NELL1: variants seen among roughly 807,000 people sequenced by gnomAD.
NELL1 encodes the protein neural EGFL like 1.
In NELL1, 76 loss-of-function variants were observed where a neutral mutation model predicts 107.4. The observed-to-expected ratio is 0.71, with a 90% CI of 0.59 to 0.86. The LOEUF (loss-of-function observed/expected upper bound fraction) is 0.86, where lower values mean the gene tolerates loss of function less well. Ranked by LOEUF, NELL1 falls within the 40% of genes least tolerant of loss-of-function variation. NELL1 has a pLI of 0.00. For missense variants in NELL1, 1,024 were observed against 1,005.5 expected, an observed-to-expected ratio of 1.02 and a Z score of -0.25; for synonymous variants, 353 against 341.2, an observed-to-expected ratio of 1.03 and a Z score of -0.38.
chr11:21,097,198 G>A (rs944279365), intron 12 of NELL1, among the ~76,000 whole-genome samples: 4 of 152,064 alleles, frequency 2.6e-5, no homozygotes, highest in African/African-American at 7.2e-5. Context: ...CGTAGTCACC[G>A]ATGCTCTGCT....
At chr11:21,403,284 GTC>G (rs1852142282) in intron 15 of NELL1, among the ~76,000 whole-genome samples, 1 of 151,664 alleles carries the variant, frequency 6.6e-6, no homozygotes, top group South Asian at 2.1e-4. Context: ...ATGTCATATA[GTC>G]TACCTGTGTC....
At chr11:21,228,369 T>C (rs967560520) in intron 13 of NELL1, among the ~76,000 whole-genome samples, 1 of 152,148 alleles carries the variant, frequency 6.6e-6, no homozygotes, top group Non-Finnish European at 1.5e-5. Flanking sequence ...TATCTGAATA[T>C]ATATAACCCA....
intron 2 of NELL1, among the ~76,000 whole-genome samples, chr11:20,681,657 T>C (rs1318618989): frequency 6.6e-6 from 1 of 152,088 alleles, no homozygotes; most frequent in Non-Finnish European, 1.5e-5. Flanking sequence ...CTATAACAAA[T>C]TTCTACAAAT....
chr11:21,417,868 G>GAAACA (rs1308740902), intron 15 of NELL1, among the ~76,000 whole-genome samples: 2 of 151,904 alleles, frequency 1.3e-5, no homozygotes, highest in Non-Finnish European at 1.5e-5. Flanking sequence ...AACACAAAAT[G>GAAACA]AAACAAAACA....
intron 15 of NELL1, among the ~76,000 whole-genome samples, chr11:21,427,150 T>G (rs1447382877): frequency 6.6e-6 from 1 of 152,196 alleles, no homozygotes; most frequent in Non-Finnish European, 1.5e-5. Context: ...GTTAGGCATC[T>G]CTGCATTTTT....
At chr11:20,814,237 G>A (rs912808898) in intron 3 of NELL1, among the ~76,000 whole-genome samples, 7 of 152,056 alleles carry the variant, frequency 4.6e-5, no homozygotes, top group Non-Finnish European at 8.8e-5. Flanking sequence ...CTCGTGATCC[G>A]CCCGCCTCGG....
intron 13 of NELL1, among the ~76,000 whole-genome samples, chr11:21,137,953 A>G (rs958644782): frequency 6.6e-6 from 1 of 152,194 alleles, no homozygotes; most frequent in African/African-American, 2.4e-5. Flanking sequence ...GCGCTACCCT[A>G]TGTAAATAGA....
chr11:21,493,538 A>C lies in NELL1; in HGVS notation c.1646-40836A>C, dbSNP rs918402177. ...TTATGTGTAGGAGCTAAAAAAAAAA[A>C]AATTGATCTTCTGGAGATAGAGTAT... On this transcript the variant is annotated intron_variant, in intron 15 of 19. Coordinates refer to ENST00000357134, the MANE Select transcript of NELL1 (RefSeq NM_006157.5). Among the ~76,000 whole-genome samples, 10 of 152,142 alleles carry C rather than the reference A, an allele frequency of 6.6e-5. 1 individual carries two copies. In the South Asian group the frequency reaches 2.1e-3, roughly 32 times the overall value.
chr11:21,541,112 T>A (rs1056852368), intron 16 of NELL1, among the ~76,000 whole-genome samples: 3 of 152,130 alleles, frequency 2.0e-5, no homozygotes, highest in Non-Finnish European at 4.4e-5. Context: ...TGAATTAAAT[T>A]GTATTGGTTG....
intron 14 of NELL1, among the ~76,000 whole-genome samples, chr11:21,240,108 C>T (rs983857148): frequency 4.6e-5 from 7 of 152,002 alleles, no homozygotes; most frequent in Non-Finnish European, 8.8e-5. Flanking sequence ...AGCAATCATT[C>T]CTCTACCATT....
chr11:21,516,705 G>T (rs1855570218), intron 15 of NELL1, among the ~76,000 whole-genome samples: 2 of 150,938 alleles, frequency 1.3e-5, no homozygotes, highest in East Asian at 1.9e-4. Context: ...GATCACTGTT[G>T]TATACATGGT....
At chr11:21,520,325 T>A (rs943157182) in intron 15 of NELL1, among the ~76,000 whole-genome samples, 5 of 152,104 alleles carry the variant, frequency 3.3e-5, no homozygotes, top group African/African-American at 1.2e-4. Context: ...AGGGGTGGGC[T>A]GGTAACCAGA....
chr11:21,214,430 G>A (rs570753536), intron 13 of NELL1, among the ~76,000 whole-genome samples: 117 of 152,122 alleles, frequency 7.7e-4, no homozygotes, highest in Non-Finnish European at 1.3e-3. Flanking sequence ...TACAGATGGC[G>A]AGTGAAGATA....
intron 2 of NELL1, among the ~76,000 whole-genome samples, chr11:20,723,600 G>A (rs1447189006): frequency 6.6e-6 from 1 of 152,136 alleles, no homozygotes; most frequent in Non-Finnish European, 1.5e-5. Context: ...TGCTTTCATA[G>A]GTTGGTGTTG....
At chr11:20,723,589 C>T (rs866633705) in intron 2 of NELL1, among the ~76,000 whole-genome samples, 1 of 152,148 alleles carries the variant, frequency 6.6e-6, no homozygotes, top group African/African-American at 2.4e-5. Context: ...GCCCCCAGAG[C>T]TGCTTTCATA....
intron 15 of NELL1, among the ~76,000 whole-genome samples, chr11:21,404,760 GTAC>G (rs1362007292): frequency 6.6e-6 from 1 of 151,878 alleles, no homozygotes; most frequent in Non-Finnish European, 1.5e-5. Flanking sequence ...TGTTTTACTT[GTAC>G]AACAAATTGA....
chr11:21,067,364 T>G lies in NELL1; in HGVS notation c.1301-46225T>G, dbSNP rs527483433. Among the ~76,000 whole-genome samples, 12 of 152,260 alleles carry G rather than the reference T, an allele frequency of 7.9e-5. 1 individual carries two copies. Among genetic ancestry groups the G allele is most frequent in the Non-Finnish European group, 1.2e-4 (8 of 68,026 alleles). On this transcript the variant is annotated intron_variant, in intron 12 of 19. Transcript: ENST00000357134. The stretch of plus-strand genomic sequence containing the variant: ...CCTTCTAATTTTGCAAACATGATTT[T>G]TTTTTAAAGTCTTGCATTTTAAAGT...
intron 15 of NELL1, among the ~76,000 whole-genome samples, chr11:21,509,852 C>A (rs934864636): frequency 2.6e-5 from 4 of 152,104 alleles, no homozygotes; most frequent in African/African-American, 7.2e-5. Context: ...ATAAAAATGA[C>A]AAATATATGT....
At chr11:20,670,125 G>C (rs1012607784) in intron 1 of NELL1, among the ~76,000 whole-genome samples, 27 of 152,284 alleles carry the variant, frequency 1.8e-4, no homozygotes, top group African/African-American at 6.3e-4. Flanking sequence ...CCGAGTTCCC[G>C]AACTTGTAAG....
Sources: gnomAD v4.1 joint callset for allele counts (sites outside exome capture counted in the v4.1 genomes callset) on GRCh38, gnomAD v4.1.1 for gene constraint, MANE v1.5 for transcripts, NCBI Gene and HGNC (gene_info 2026-07-23, HGNC 2026-07-21) for gene names.